Variants in LRRFIP2 observed in about 807,000 individuals in gnomAD.
LRRFIP2 encodes LRR binding FLII interacting protein 2, also known as leucine-rich repeat flightless-interacting protein 2.
Under a neutral mutation model 125.9 loss-of-function variants are expected in LRRFIP2, and 109 were observed. That is an observed-to-expected ratio of 0.87 (90% CI 0.74 to 1.01). LRRFIP2 has a LOEUF of 1.01. Ranked by LOEUF, LRRFIP2 falls within the 50% of genes least tolerant of loss-of-function variation. LRRFIP2 has a pLI of 0.00. For synonymous variants in LRRFIP2, 291 were observed against 293.1 expected, an observed-to-expected ratio of 0.99 and a Z score of 0.07; for missense variants, 850 against 862.3, an observed-to-expected ratio of 0.99 and a Z score of 0.18.
chr3:37,067,210 G>C (rs1258337604), intron 21 of LRRFIP2: 2 of 152,190 alleles, frequency 1.3e-5, no homozygotes, highest in African/African-American at 4.8e-5. Flanking sequence ...GAATCAGGTT[G>C]GTGATTTCAT....
chr3:37,146,977 T>C (rs748465154), intron 2 of LRRFIP2, among the ~76,000 whole-genome samples: 2 of 151,062 alleles, frequency 1.3e-5, no homozygotes, highest in African/African-American at 2.4e-5. Context: ...TTGACAAAGG[T>C]CTAATATCCA....
At chr3:37,165,805 G>GAAA (rs71091698) in intron 1 of LRRFIP2, among the ~76,000 whole-genome samples, 1 of 106,398 alleles carries the variant, frequency 9.4e-6, no homozygotes, top group East Asian at 2.5e-4. Context: ...GAGAAAGAAA[G>GAAA]AAAGAAAGAA....
chr3:37,138,774 T>C (rs1365262681), intron 2 of LRRFIP2, among the ~76,000 whole-genome samples: 2 of 152,340 alleles, frequency 1.3e-5, no homozygotes, highest in South Asian at 2.1e-4. Flanking sequence ...TTCTTTTCTT[T>C]CTTCACAATT....
At chr3:37,109,823 C>T in intron 9 of LRRFIP2, 120 bp from the exon 10 acceptor site, 1 of 798,494 alleles carries the variant, frequency 1.3e-6, no homozygotes, top group Non-Finnish European at 2.0e-6. Context: ...TTAGCAATTC[C>T]TGAGTGCTTA....
At chr3:37,100,243 T>C (rs1453668416) in intron 15 of LRRFIP2, among the ~76,000 whole-genome samples, 2 of 152,044 alleles carry the variant, frequency 1.3e-5, no homozygotes, top group African/African-American at 2.4e-5. Context: ...GAAGATCAGT[T>C]GAGCCCAAGA....
chr3:37,135,010 C>T, intron 2 of LRRFIP2: 1 of 1,514,206 alleles, frequency 6.6e-7, no homozygotes. Context: ...ACCCAGATGA[C>T]CCCCTAGTGC....
Position 37,158,481 on chromosome 3 carries a change from C to T in LRRFIP2, c.-55-9443G>A, listed in dbSNP as rs560833089. ...AAATAGCCAGGCATGGTGGCACATG[C>T]CTGTAATCCCAGTTACTTGGGAGGC... is the stretch of plus-strand genomic sequence containing the variant. On this transcript the variant is annotated intron_variant, in intron 1 of 27. Coordinates refer to ENST00000336686, the MANE Select transcript of LRRFIP2 (RefSeq NM_006309.4). Among the ~76,000 whole-genome samples, 32 of 152,064 alleles carry T rather than the reference C, an allele frequency of 2.1e-4. No individual in the cohort carries two copies. In the South Asian group the frequency reaches 6.4e-3, roughly 31 times the overall value.
rs867587969 is a variant in LRRFIP2, at chr3:37,165,797, G to A, written c.-56+8742C>T. Among the ~76,000 whole-genome samples, 166 of 31,576 alleles carry A rather than the reference G, an allele frequency of 5.3e-3. 3 individuals are homozygous for A. Among genetic ancestry groups the A allele is most frequent in the African/African-American group, 0.013 (154 of 11,736 alleles). 20.7% of individuals were successfully genotyped at this position (31,576 alleles called of 152,430 possible). ...AAAGAAAAGAAAAGAGAAAGAAAGA[G>A]AAAGAAAGAAAGAAAGAAAGAAAGA... is the stretch of plus-strand genomic sequence containing the variant. On this transcript the variant is annotated intron_variant, in intron 1 of 27. Coordinates refer to ENST00000336686, the MANE Select transcript of LRRFIP2 (RefSeq NM_006309.4).
chr3:37,164,957 C>G (rs1349634026), intron 1 of LRRFIP2, among the ~76,000 whole-genome samples: 1 of 152,088 alleles, frequency 6.6e-6, no homozygotes, highest in African/African-American at 2.4e-5. Context: ...GTCTTCCAGC[C>G]TGGTGCGGTG....
chr3:37,142,444 G>C (rs1403082706), intron 2 of LRRFIP2, among the ~76,000 whole-genome samples: 1 of 152,116 alleles, frequency 6.6e-6, no homozygotes, highest in Non-Finnish European at 1.5e-5. Context: ...ACCATGCTCG[G>C]CCAACCCAAC....
rs747756350 is a variant in LRRFIP2 at position 37,053,861 on chromosome 3, G to T, written c.2156C>A (p.Ala719Asp). The T allele has an allele frequency of 1.1e-5, 17 of 1,613,032 alleles. No homozygotes were observed. The highest frequency in any genetic ancestry group is 1.2e-5 in the Non-Finnish European group (14 of 1,179,124). ...TGAAGGGTGGTTTTCCTACTGCTGG[G>T]CCAGAAGTGCTGTCCTATTGGCCTT... The part of the protein sequence containing the change: ...KMKANRTALL[A>D]QQ The change falls in exon 28 of 28, where the codon GCC becomes GAC. Residue 719 changes from alanine (A) to aspartate (D), a missense_variant. Physicochemically the swap from Ala to Asp is moderately radical, Grantham distance 126 (BLOSUM62 -2). Transcript: ENST00000336686.
intron 2 of LRRFIP2, among the ~76,000 whole-genome samples, chr3:37,135,770 T>C (rs1307317869): frequency 3.3e-5 from 5 of 152,160 alleles, no homozygotes; most frequent in Non-Finnish European, 5.9e-5. Context: ...ATTGCTATGA[T>C]AAAAAATGTT....
At chr3:37,074,819 C>G (rs2091792633) in intron 20 of LRRFIP2, among the ~76,000 whole-genome samples, 1 of 152,152 alleles carries the variant, frequency 6.6e-6, no homozygotes, top group Non-Finnish European at 1.5e-5. Flanking sequence ...AAAATTTCTG[C>G]TACCAAAGTG....
At chr3:37,056,911 A>T (rs537736435) in intron 25 of LRRFIP2, among the ~76,000 whole-genome samples, 18 of 151,960 alleles carry the variant, frequency 1.2e-4, no homozygotes, top group Admixed American at 1.0e-3. Flanking sequence ...CTTCCTTCTC[A>T]CTCTCCAAAC....
intron 2 of LRRFIP2, among the ~76,000 whole-genome samples, chr3:37,133,499 T>C (rs2095480943): frequency 6.6e-6 from 1 of 152,206 alleles, no homozygotes; most frequent in African/African-American, 2.4e-5. Flanking sequence ...TGCTGCAACA[T>C]GGATGAATCT....
At chr3:37,087,359 C>T (rs958878599) in intron 18 of LRRFIP2, among the ~76,000 whole-genome samples, 1 of 152,152 alleles carries the variant, frequency 6.6e-6, no homozygotes, top group Admixed American at 6.5e-5. Flanking sequence ...AAAGTCATCA[C>T]AACTCAGTGC....
chr3:37,075,296 T>C (rs1298081934), intron 19 of LRRFIP2, among the ~76,000 whole-genome samples, 180 bp from the exon 20 acceptor site: 6 of 152,224 alleles, frequency 3.9e-5, no homozygotes, highest in African/African-American at 1.4e-4. Context: ...AAATTCCATC[T>C]TGTATAATTA....
intron 16 of LRRFIP2, 146 bp downstream of exon 16, chr3:37,096,470 A>G: frequency 1.7e-6 from 1 of 575,202 alleles, no homozygotes; most frequent in Non-Finnish European, 3.1e-6. Flanking sequence ...ACTCCGAAGG[A>G]ATTTTGGAGG....
intron 19 of LRRFIP2, among the ~76,000 whole-genome samples, 192 bp from the exon 20 acceptor site, chr3:37,075,308 C>T (rs997081497): frequency 3.3e-5 from 5 of 151,982 alleles, no homozygotes; most frequent in Non-Finnish European, 5.9e-5. Context: ...GTATAATTAT[C>T]AGGAAAACCT....
Sources: allele counts gnomAD v4.1 joint callset (sites outside exome capture counted in the v4.1 genomes callset), GRCh38; gene constraint gnomAD v4.1.1; transcripts MANE v1.5; gene names NCBI Gene and HGNC (gene_info 2026-07-23, HGNC 2026-07-21).